ZNF385D: variants seen among roughly 807,000 people sequenced by gnomAD.
ZNF385D encodes the protein zinc finger protein 385D, also known as zinc finger protein 659.
Under a neutral mutation model 35.8 loss-of-function variants are expected in ZNF385D, and 15 were observed. That is an observed-to-expected ratio of 0.42 (90% CI 0.28 to 0.64). The LOEUF is 0.64. Ranked by LOEUF, ZNF385D falls within the 30% of genes least tolerant of loss-of-function variation. ZNF385D has a pLI of 0.23. For synonymous variants in ZNF385D, 212 were observed against 186.8 expected, an observed-to-expected ratio of 1.13 and a Z score of -1.10; for missense variants, 474 against 494.6, an observed-to-expected ratio of 0.96 and a Z score of 0.39.
chr3:22,083,288 G>A (rs1222616148), intron 3 of ZNF385D, among the ~76,000 whole-genome samples: 1 of 148,130 alleles, frequency 6.8e-6, no homozygotes, highest in East Asian at 2.0e-4. Context: ...ACTTCTCCGA[G>A]CTAAAGGAGG....
At chr3:22,031,303 A>T (rs964217978) in intron 3 of ZNF385D, among the ~76,000 whole-genome samples, 3 of 152,156 alleles carry the variant, frequency 2.0e-5, no homozygotes, top group Non-Finnish European at 4.4e-5. Flanking sequence ...ATATTGCCCT[A>T]GTAGAGGTTC....
At chr3:21,993,980 G>T (rs1039161950) in intron 3 of ZNF385D, among the ~76,000 whole-genome samples, 1 of 152,106 alleles carries the variant, frequency 6.6e-6, no homozygotes, top group Non-Finnish European at 1.5e-5. Context: ...AAGCTGCTCT[G>T]CCTCACCAGT....
intron 4 of ZNF385D, among the ~76,000 whole-genome samples, chr3:21,455,506 A>G (rs1007304892): frequency 8.5e-5 from 13 of 152,198 alleles, no homozygotes; most frequent in Non-Finnish European, 1.8e-4. Flanking sequence ...TATTTAATAA[A>G]TGGTGCTGGG....
intron 1 of ZNF385D, among the ~76,000 whole-genome samples, chr3:21,668,017 A>G (rs2066458131): frequency 6.6e-6 from 1 of 152,176 alleles, no homozygotes; most frequent in Non-Finnish European, 1.5e-5. Flanking sequence ...AGAGCAATGT[A>G]TAAGATTGTA....
At chr3:21,862,234 C>T (rs1352139) in intron 3 of ZNF385D, among the ~76,000 whole-genome samples, 129,775 of 151,556 alleles carry the variant, frequency 0.86, 56,115 homozygotes, top group Non-Finnish European at 0.92. Flanking sequence ...GGGATAGAAA[C>T]AGCCCTACTA....
chr3:21,711,039 G>GTTTTTTTTTTTTTTTTTTTTTTTTT lies in ZNF385D; in HGVS notation c.22+39855_22+39856insAAAAAAAAAAAAAAAAAAAAAAAAA, dbSNP rs869252663. Among the ~76,000 whole-genome samples, 10 of 83,140 alleles carry GTTTTTTTTTTTTTTTTTTTTTTTTT rather than the reference G, an allele frequency of 1.2e-4. 4 individuals carry two copies. The highest frequency in any genetic ancestry group is 5.1e-4 in the African/African-American group (10 of 19,488). The allele number at this position is 83,140 out of a possible 152,430, so 54.5% of individuals were successfully genotyped here. A position where few individuals can be genotyped will look rare whatever the true frequency, so the allele number is the denominator to read the frequency against. On this transcript the variant is annotated intron_variant, in intron 1 of 7. Coordinates refer to ENST00000281523, the MANE Select transcript of ZNF385D (RefSeq NM_024697.3). ...TCTTAATTTCCTTATCCCTCTAAAA[G>GTTTTTTTTTTTTTTTTTTTTTTTTT]TTTTTTTTTTTTTTTTTTTTGAGAT...
chr3:22,235,249 A>G (rs1699113763), intron 2 of ZNF385D, among the ~76,000 whole-genome samples: 1 of 152,128 alleles, frequency 6.6e-6, no homozygotes, highest in Non-Finnish European at 1.5e-5. Context: ...TCTTCTCAAA[A>G]AGAATAATTT....
intron 3 of ZNF385D, among the ~76,000 whole-genome samples, chr3:22,108,188 T>C (rs1702324611): frequency 6.6e-6 from 1 of 152,160 alleles, no homozygotes; most frequent in Admixed American, 6.6e-5. Flanking sequence ...AATATTTGTA[T>C]GTCTGCATAC....
chr3:21,715,034 T>C (rs2068260139), intron 1 of ZNF385D, among the ~76,000 whole-genome samples: 1 of 152,174 alleles, frequency 6.6e-6, no homozygotes, highest in Admixed American at 6.5e-5. Context: ...AGTTTTCAGG[T>C]TGTATTTTAA....
chr3:21,933,916 A>G (rs1450113840), intron 3 of ZNF385D, among the ~76,000 whole-genome samples: 2 of 149,194 alleles, frequency 1.3e-5, no homozygotes, highest in East Asian at 4.1e-4. Context: ...ATTGGATCAG[A>G]TAATGCATAA....
intron 3 of ZNF385D, among the ~76,000 whole-genome samples, chr3:22,125,736 T>C (rs929944387): frequency 1.3e-5 from 2 of 152,124 alleles, no homozygotes; most frequent in Admixed American, 6.6e-5. Flanking sequence ...TGTTGGCATA[T>C]AGAAATGCTA....
chr3:21,528,473 T>A (rs1334511156), intron 3 of ZNF385D, among the ~76,000 whole-genome samples: 3 of 151,108 alleles, frequency 2.0e-5, no homozygotes, highest in African/African-American at 7.3e-5. Flanking sequence ...AAGTGTAGAT[T>A]TCCTGGCTCT....
At chr3:22,198,756 C>T (rs567588670) in intron 2 of ZNF385D, among the ~76,000 whole-genome samples, 2 of 152,140 alleles carry the variant, frequency 1.3e-5, no homozygotes, top group Admixed American at 6.6e-5. Context: ...AATTAAACAA[C>T]TGAGTAAACA....
chr3:21,692,980 T>G (rs559659552), intron 1 of ZNF385D, among the ~76,000 whole-genome samples: 4 of 152,294 alleles, frequency 2.6e-5, no homozygotes, highest in Admixed American at 2.6e-4. Flanking sequence ...GAAAATTTAT[T>G]TATTGGACAT....
intron 3 of ZNF385D, among the ~76,000 whole-genome samples, chr3:21,955,693 A>G (rs1223073620): frequency 6.6e-6 from 1 of 152,100 alleles, no homozygotes; most frequent in Non-Finnish European, 1.5e-5. Context: ...ATTAACCCAC[A>G]TGTTATAAAA....
At chr3:22,119,106 C>G (rs1272472681) in intron 3 of ZNF385D, among the ~76,000 whole-genome samples, 1 of 151,972 alleles carries the variant, frequency 6.6e-6, no homozygotes, top group Non-Finnish European at 1.5e-5. Context: ...GCTACAAAGC[C>G]CAGGGATAGG....
intron 1 of ZNF385D, among the ~76,000 whole-genome samples, chr3:21,716,024 T>C (rs978301560): frequency 3.3e-5 from 5 of 152,212 alleles, no homozygotes; most frequent in Admixed American, 2.0e-4. Context: ...TTGAATAACT[T>C]TGAATAACCC....
intron 3 of ZNF385D, among the ~76,000 whole-genome samples, chr3:22,117,758 T>C (rs1702885293): frequency 6.6e-6 from 1 of 152,044 alleles, no homozygotes; most frequent in South Asian, 2.1e-4. Flanking sequence ...GGATGTCCAT[T>C]ATTCCCAATA....
intron 3 of ZNF385D, chr3:21,958,773 G>C (rs1559791709): frequency 6.6e-6 from 1 of 151,632 alleles, no homozygotes; most frequent in Non-Finnish European, 1.5e-5. Flanking sequence ...ATAGCAATCA[G>C]AGAATTTTCT....
Sources: gnomAD v4.1 joint callset for allele counts (sites outside exome capture counted in the v4.1 genomes callset) on GRCh38, gnomAD v4.1.1 for gene constraint, MANE v1.5 for transcripts, NCBI Gene and HGNC (gene_info 2026-07-23, HGNC 2026-07-21) for gene names.